The following MVB12B variants were observed in gnomAD, a reference collection of about 807,000 sequenced individuals.
MVB12B encodes the protein ESCRT-I complex subunit MVB12B.
MVB12B carries 16 observed loss-of-function variants against 41.6 expected under a neutral mutation model. The ratio of observed to expected loss-of-function variants is 0.38; its 90% CI spans 0.26 to 0.58. The LOEUF is 0.58. Ranked by LOEUF, MVB12B falls within the 20% of genes least tolerant of loss-of-function variation. The pLI, the probability that MVB12B is intolerant of heterozygous loss-of-function variation, is 0.62. For synonymous variants in MVB12B, 133 were observed against 139.7 expected, an observed-to-expected ratio of 0.95 and a Z score of 0.34; for missense variants, 274 against 380.2, an observed-to-expected ratio of 0.72 and a Z score of 2.32.
intron 7 of MVB12B, among the ~76,000 whole-genome samples, chr9:126,462,176 C>T (rs1488445994): frequency 6.6e-6 from 1 of 152,222 alleles, no homozygotes; most frequent in Non-Finnish European, 1.5e-5. Flanking sequence ...GAATAAATAA[C>T]AAGTTGAACT....
intron 7 of MVB12B, among the ~76,000 whole-genome samples, chr9:126,430,522 A>C (rs1832302246): frequency 6.6e-6 from 1 of 151,374 alleles, no homozygotes; most frequent in African/African-American, 2.4e-5. Flanking sequence ...TTCACCTGTG[A>C]GCACCTTGAG....
At chr9:126,408,671 G>A (rs931959701) in intron 6 of MVB12B, among the ~76,000 whole-genome samples, 1 of 152,090 alleles carries the variant, frequency 6.6e-6, no homozygotes, top group Non-Finnish European at 1.5e-5. Flanking sequence ...TGGACCTACC[G>A]TGGTCCAGTC....
intron 2 of MVB12B, among the ~76,000 whole-genome samples, chr9:126,343,744 C>T (rs970085071): frequency 2.0e-5 from 3 of 152,106 alleles, no homozygotes; most frequent in Non-Finnish European, 4.4e-5. Flanking sequence ...GGTGAAACCC[C>T]ATCTCTACTA....
chr9:126,488,961 G>A (rs1200941622), intron 9 of MVB12B, among the ~76,000 whole-genome samples: 1 of 152,208 alleles, frequency 6.6e-6, no homozygotes, highest in East Asian at 1.9e-4. Context: ...GCTCCCCAGA[G>A]CTAGCCAAGC....
intron 7 of MVB12B, among the ~76,000 whole-genome samples, chr9:126,440,009 C>A (rs888733067): frequency 2.0e-5 from 3 of 152,190 alleles, no homozygotes; most frequent in African/African-American, 7.2e-5. Context: ...TTAATGAGCT[C>A]TTAATACAGA....
At position 126,503,627 on chromosome 9, in the gene MVB12B, C is replaced by T. The variant is rs201530400; in HGVS notation, c.*364C>T. 2.6e-5 allele frequency: 5 copies of T among 195,410 alleles called. No homozygotes were observed. Among genetic ancestry groups the T allele is most frequent in the South Asian group, 1.2e-4 (2 of 17,298 alleles). 12.1% of individuals were successfully genotyped at this position (195,410 alleles called of 1,614,324 possible). A position where few individuals can be genotyped will look rare whatever the true frequency, so the allele number is the denominator to read the frequency against. On this transcript the variant is annotated 3_prime_UTR_variant, in exon 10 of 10. Coordinates refer to ENST00000361171, the MANE Select transcript of MVB12B (RefSeq NM_033446.3). ...CCCAGTGACGCCCACCGGCTCCCTCCGCTCCCTCCTGTCACCTACCAGGGC... is the reference window on the plus strand; with the variant it reads ...CCCAGTGACGCCCACCGGCTCCCTCTGCTCCCTCCTGTCACCTACCAGGGC...
intron 6 of MVB12B, among the ~76,000 whole-genome samples, chr9:126,405,110 G>A (rs1831382610): frequency 6.6e-6 from 1 of 152,158 alleles, no homozygotes; most frequent in Non-Finnish European, 1.5e-5. Flanking sequence ...CCGCTTCGGA[G>A]CTGGCCTTGG....
intron 2 of MVB12B, among the ~76,000 whole-genome samples, chr9:126,377,941 A>C (rs1830525504): frequency 1.3e-5 from 2 of 152,346 alleles, no homozygotes; most frequent in African/African-American, 4.8e-5. Context: ...TCATGCACTA[A>C]GGCAGGCACT....
In MVB12B at chr9:126,474,800, G is replaced by A. The variant is rs564953670; in HGVS notation, c.758-6569G>A. ...CAGGATTGTGCCTTCCTGGGCCATC[G>A]AACCTGATGGCTGCTTCTCCTTTCC... is the stretch of plus-strand genomic sequence containing the variant. On this transcript the variant is annotated intron_variant, in intron 7 of 9. Transcript: ENST00000361171. Among the ~76,000 whole-genome samples, 4 of 152,278 alleles carry A rather than the reference G, an allele frequency of 2.6e-5. No individual in the cohort carries two copies. The East Asian group carries it at 5.8e-4, about 22-fold the overall frequency.
intron 9 of MVB12B, among the ~76,000 whole-genome samples, chr9:126,495,609 G>A (rs989153307): frequency 1.3e-5 from 2 of 152,284 alleles, no homozygotes; most frequent in East Asian, 1.9e-4. Context: ...GCTGGGCGCC[G>A]TGTAGGGAGT....
chr9:126,430,536 GAGGGC>G (rs1359566739), intron 7 of MVB12B, among the ~76,000 whole-genome samples: 2 of 151,866 alleles, frequency 1.3e-5, no homozygotes, highest in Non-Finnish European at 2.9e-5. Flanking sequence ...CCTTGAGTGA[GAGGGC>G]AGAGACCATA....
chr9:126,400,387 C>G (rs752084070), intron 6 of MVB12B, among the ~76,000 whole-genome samples: 2 of 152,094 alleles, frequency 1.3e-5, no homozygotes, highest in African/African-American at 4.8e-5. Context: ...TCTGTGGCAT[C>G]AAGAAGCTGA....
intron 7 of MVB12B, among the ~76,000 whole-genome samples, chr9:126,471,359 G>T (rs1386225289): frequency 6.6e-6 from 1 of 152,232 alleles, no homozygotes; most frequent in African/African-American, 2.4e-5. Flanking sequence ...GTTCACACGT[G>T]TCTGACTCCG....
At chr9:126,379,020 C>G (rs527527964) in intron 2 of MVB12B, among the ~76,000 whole-genome samples, 19 of 152,286 alleles carry the variant, frequency 1.2e-4, no homozygotes, top group African/African-American at 4.3e-4. Flanking sequence ...CTTCTAGACG[C>G]CCTTGTCTCT....
chr9:126,383,765 C>T (rs1448117297), intron 3 of MVB12B, among the ~76,000 whole-genome samples: 1 of 151,934 alleles, frequency 6.6e-6, no homozygotes, highest in African/African-American at 2.4e-5. Context: ...AGTACAGTGG[C>T]AGCCCTGTGT....
intron 6 of MVB12B, among the ~76,000 whole-genome samples, chr9:126,407,041 A>G (rs1186237955): frequency 6.6e-6 from 1 of 152,222 alleles, no homozygotes; most frequent in African/African-American, 2.4e-5. Context: ...GAAATTCAAC[A>G]CAAGTGTATA....
At chr9:126,384,720 A>C (rs1354795436) in intron 3 of MVB12B, among the ~76,000 whole-genome samples, 1 of 151,488 alleles carries the variant, frequency 6.6e-6, no homozygotes, top group Non-Finnish European at 1.5e-5. Context: ...TTAAGTAGAG[A>C]CAGGGTTTCA....
intron 2 of MVB12B, among the ~76,000 whole-genome samples, chr9:126,354,869 GC>G (rs1829839990): frequency 6.6e-6 from 1 of 152,214 alleles, no homozygotes; most frequent in South Asian, 2.1e-4. Context: ...AAACAAAAAA[GC>G]CTGACTACCT....
intron 2 of MVB12B, among the ~76,000 whole-genome samples, chr9:126,358,908 A>G (rs1424542717): frequency 6.6e-6 from 1 of 152,204 alleles, no homozygotes. Flanking sequence ...CACCATTTAA[A>G]TATGGCATTT....
Sources: allele counts gnomAD v4.1 joint callset (sites outside exome capture counted in the v4.1 genomes callset), GRCh38; gene constraint gnomAD v4.1.1; transcripts MANE v1.5; gene names NCBI Gene and HGNC (gene_info 2026-07-23, HGNC 2026-07-21).